Variants in ZUP1 observed in about 807,000 individuals in gnomAD.
The protein encoded by ZUP1 is zinc finger-containing ubiquitin peptidase 1.
In ZUP1, 55 loss-of-function variants were observed where a neutral mutation model predicts 68.1. That is an observed-to-expected ratio of 0.81 (90% CI 0.65 to 1.01). The LOEUF (loss-of-function observed/expected upper bound fraction) is 1.01. Among genes scored for constraint, ZUP1 ranks in the 50% least tolerant of loss-of-function variants. The probability of loss-of-function intolerance (pLI) is 0.00; values close to 1 mark genes in which losing one functional copy is unlikely to be tolerated. For missense variants in ZUP1, 684 were observed against 674.9 expected (o/e 1.01, Z -0.15); for synonymous variants, 223 against 221.5 (o/e 1.01, Z -0.06).
rs1390435328 is a variant in ZUP1 at position 116,645,770 on chromosome 6, G to A, written c.1633C>T (p.His545Tyr). The A allele has an allele frequency of 6.2e-7, 1 of 1,613,816 alleles. No homozygotes were observed. The highest frequency in any genetic ancestry group is 1.1e-5 in the South Asian group (1 of 91,080). Residue 545 changes from histidine (H) to tyrosine (Y), a missense_variant, in exon 9 of 10, where the codon CAT (histidine) becomes TAT (tyrosine). By Grantham distance (83) the His-to-Tyr change is moderately conservative (BLOSUM62 2). Coordinates refer to ENST00000368576, the MANE Select transcript of ZUP1 (RefSeq NM_145062.3). ...ACTGCCAATATCTGGTATTGCTTAT[G>A]TTTTAAATTTCCCATAGATTTCCGA... ...QLRKSMGNLK[H>Y]KQYQILAVEG... is the part of the protein sequence containing the mutation.
At position 116,635,643 on chromosome 6, in the gene ZUP1, T is replaced by C; in HGVS notation, c.*189A>G. The C allele has an allele frequency of 2.3e-6, 1 of 444,116 alleles. No individual in the cohort carries two copies. Among genetic ancestry groups the C allele is most frequent in the Non-Finnish European group, 3.9e-6 (1 of 259,400 alleles). 27.5% of individuals were successfully genotyped at this position (444,116 alleles called of 1,614,324 possible). A position where few individuals can be genotyped will look rare whatever the true frequency, so the allele number is the denominator to read the frequency against. On this transcript the variant is annotated 3_prime_UTR_variant, in exon 10 of 10. Coordinates refer to ENST00000368576, the MANE Select transcript of ZUP1 (RefSeq NM_145062.3). ...CACAATGCAAAAACAAGACATTTTATTGAAATAATTTACCAAACAATGAAG... is the reference window on the plus strand; with the variant it reads ...CACAATGCAAAAACAAGACATTTTACTGAAATAATTTACCAAACAATGAAG...
chr6:116,646,077 T>C (rs1195209148), intron 8 of ZUP1, 143 bp from the exon 9 acceptor site: 7 of 530,176 alleles, frequency 1.3e-5, no homozygotes, highest in Non-Finnish European at 2.2e-5. Flanking sequence ...TAAGTTCTCC[T>C]AAGACGTAAG....
intron 6 of ZUP1, 116 bp from the exon 7 acceptor site, chr6:116,651,853 T>A: frequency 7.1e-7 from 1 of 1,406,796 alleles, no homozygotes; most frequent in Non-Finnish European, 9.6e-7. Flanking sequence ...ATTCCTGACA[T>A]CTTCTATCAT....
In ZUP1 at chr6:116,650,913, T is replaced by TACAC. The variant is rs370152468; in HGVS notation, c.1316+655_1316+658dup. On this transcript the variant is annotated intron_variant, in intron 7 of 9. Transcript: ENST00000368576. ...AGGTTATACATTTTAAAAATGAGAC[T>TACAC]ACACACACACACACACACACAAAAC... Among the ~76,000 whole-genome samples the TACAC allele has an allele frequency of 5.2e-3, 781 of 149,782 alleles. 4 individuals are homozygous for TACAC. The highest frequency in any genetic ancestry group is 0.017 in the African/African-American group (708 of 40,826).
At chr6:116,642,634 C>G (rs1776144731) in intron 9 of ZUP1, among the ~76,000 whole-genome samples, 1 of 152,194 alleles carries the variant, frequency 6.6e-6, no homozygotes, top group Admixed American at 6.5e-5. Flanking sequence ...CAAAATTCAA[C>G]AACACTTCAT....
chr6:116,647,722 A>G (rs913865390), intron 7 of ZUP1, 112 bp from the exon 8 acceptor site: 3 of 802,124 alleles, frequency 3.7e-6, no homozygotes, highest in African/African-American at 1.8e-5. Flanking sequence ...TCTAGCCATT[A>G]CTTTCCTATA....
At position 116,666,710 on chromosome 6, in the gene ZUP1, T is replaced by C. The variant is rs141241835; in HGVS notation, c.483A>G (p.Lys161=). 6.9e-5 allele frequency: 112 copies of C among 1,613,422 alleles called. No homozygotes were observed. The East Asian group carries it at 2.3e-3, about 33-fold the overall frequency. The change falls in exon 2 of 10, where the codon AAA becomes AAG. Residue 161 remains lysine (K), a synonymous_variant. Coordinates refer to ENST00000368576, the MANE Select transcript of ZUP1 (RefSeq NM_145062.3). ...YSPPECPFCG[K]IEEHSEDMET... is the part of the protein sequence containing the mutation. ...CCATATCTTCACTGTGCTCCTCTAT[T>C]TTTCCACAGAATGGACATTCAGGAG...
Position 116,650,893 on chromosome 6 carries a change from A to G in ZUP1, c.1316+679T>C, listed in dbSNP as rs1235942816. On this transcript the variant is annotated intron_variant, in intron 7 of 9. Coordinates refer to ENST00000368576, the MANE Select transcript of ZUP1 (RefSeq NM_145062.3). ...AACTTCCACAGAAAATAAATAGGTT[A>G]TACATTTTAAAAATGAGACTACACA... Among the ~76,000 whole-genome samples the G allele has an allele frequency of 2.0e-5, 3 of 151,984 alleles. No individual in the cohort carries two copies. The East Asian group carries it at 5.8e-4, about 29-fold the overall frequency.
intron 9 of ZUP1, among the ~76,000 whole-genome samples, chr6:116,637,098 A>C (rs66832640): frequency 0.19 from 28,567 of 152,120 alleles, 2,871 homozygotes; most frequent in East Asian, 0.29. Flanking sequence ...CTTTTCAAAA[A>C]GAAATGTGAA....
chr6:116,661,784 T>G (rs1776850531), intron 2 of ZUP1, among the ~76,000 whole-genome samples: 1 of 152,160 alleles, frequency 6.6e-6, no homozygotes. Context: ...ACCATGAAAC[T>G]GCTTCACAGG....
rs996142006 is a variant in ZUP1, at chr6:116,656,804, G to A, written c.841C>T (p.Arg281Ter). ...CTATTTACTTCTATCTCCATATTTC[G>A]TAGTTGTTGTTGTTTGTATCCTCCA... is the stretch of plus-strand genomic sequence containing the variant. ...NSGGYKQQQLRNMEIEVNRGR... is the reference protein window; with the variant it reads ...NSGGYKQQQL The change falls in exon 5 of 10, where the codon CGA becomes TGA. Residue 281 changes from arginine (R) to a stop codon, truncating the protein, a stop_gained. Transcript: ENST00000368576. LOFTEE classifies it high-confidence loss of function. 21 of 1,608,708 alleles carry A rather than the reference G, an allele frequency of 1.3e-5. No individual in the cohort carries two copies. Among genetic ancestry groups the A allele is most frequent in the African/African-American group, 2.7e-5 (2 of 74,662 alleles).
At chr6:116,645,649 C>G (rs944525337) in intron 9 of ZUP1, 65 bp downstream of exon 9, 1 of 775,500 alleles carries the variant, frequency 1.3e-6, no homozygotes, top group Non-Finnish European at 1.9e-6. Flanking sequence ...TGATTTTAAA[C>G]TAAAAGTTTT....
intron 7 of ZUP1, among the ~76,000 whole-genome samples, chr6:116,648,192 C>T (rs924494578): frequency 1.3e-5 from 2 of 152,186 alleles, no homozygotes; most frequent in South Asian, 2.1e-4. Context: ...ACCGGACCAC[C>T]GTGGTATTCT....
chr6:116,667,289 C>G, intron 1 of ZUP1, 82 bp from the exon 2 acceptor site: 3 of 879,706 alleles, frequency 3.4e-6, no homozygotes, highest in Non-Finnish European at 3.3e-6. Context: ...ATTACTTGGT[C>G]TTTAACGCTG....
chr6:116,645,979 A>C (rs758424711), intron 8 of ZUP1, 45 bp from the exon 9 acceptor site: 2 of 1,361,342 alleles, frequency 1.5e-6, no homozygotes, highest in African/African-American at 1.4e-5. Context: ...ATCTATTTAC[A>C]GTTATACAAA....
At position 116,662,293 on chromosome 6, in the gene ZUP1, C is replaced by G. The variant is rs189870500; in HGVS notation, c.560-1447G>C. Among the ~76,000 whole-genome samples, 67 of 152,330 alleles carry G rather than the reference C, an allele frequency of 4.4e-4. 1 individual carries two copies. In the East Asian group the frequency reaches 0.012, roughly 28 times the overall value. On this transcript the variant is annotated intron_variant, in intron 2 of 9. Coordinates refer to ENST00000368576, the MANE Select transcript of ZUP1 (RefSeq NM_145062.3). ...TTTGCTTATCGCTTTGATCATCACA[C>G]TACTGCAAGCCAATCCCTCCACCCC... is the stretch of plus-strand genomic sequence containing the variant.
intron 5 of ZUP1, among the ~76,000 whole-genome samples, chr6:116,655,729 C>T (rs1158517643): frequency 1.3e-5 from 2 of 152,190 alleles, no homozygotes; most frequent in South Asian, 4.1e-4. Flanking sequence ...GGCAAAGTCA[C>T]TGTAACTTCT....
intron 9 of ZUP1, among the ~76,000 whole-genome samples, chr6:116,644,468 A>G (rs1776223503): frequency 6.6e-6 from 1 of 152,252 alleles, no homozygotes; most frequent in African/African-American, 2.4e-5. Context: ...GACTGGATTA[A>G]GAAAATGTGG....
rs200130246 is a variant in ZUP1 at position 116,656,684 on chromosome 6, C to T, written c.961G>A (p.Gly321Arg). 2.7e-5 allele frequency: 43 copies of T among 1,607,422 alleles called. No individual in the cohort carries two copies. Among genetic ancestry groups the T allele is most frequent in the East Asian group, 4.5e-5 (2 of 44,560 alleles). Residue 321 changes from glycine to arginine, a missense_variant and splice_region_variant, in exon 5 of 10, where the codon GGA becomes AGA. Physicochemically the swap from Gly to Arg is moderately radical, Grantham distance 125. Transcript: ENST00000368576. ...GFDDGKTKTS[G>R]IIEALHRYYQ... ...ATGACTCTGATGTTTAAATACTCAC[C>T]GGAAGTTTTTGTTTTTCCATCGTCA...
Sources: allele counts gnomAD v4.1 joint callset (sites outside exome capture counted in the v4.1 genomes callset), GRCh38; gene constraint gnomAD v4.1.1; transcripts MANE v1.5; gene names NCBI Gene and HGNC (gene_info 2026-07-23, HGNC 2026-07-21).